The following CTCF variants were observed in gnomAD, a reference collection of about 807,000 sequenced individuals.
CTCF encodes the protein CCCTC-binding factor.
Under a neutral mutation model 72.3 loss-of-function variants are expected in CTCF, and 7 were observed. That is an observed-to-expected ratio of 0.10 (90% CI 0.06 to 0.18). The LOEUF is 0.18. Among genes scored for constraint, CTCF ranks in the 10% least tolerant of loss-of-function variants. The pLI is 1.00. For missense variants in CTCF, 516 were observed against 949.1 expected (o/e 0.54, Z 6.00); for synonymous variants, 374 against 315.8 (o/e 1.18, Z -1.95).
chr16:67,578,821 G>T (rs998461028), intron 2 of CTCF, among the ~76,000 whole-genome samples: 1 of 151,544 alleles, frequency 6.6e-6, no homozygotes, highest in Middle Eastern at 3.2e-3. Context: ...GGTGGCAGGC[G>T]CCTGTAATCT....
At chr16:67,633,475 G>A (rs1298168211) in intron 10 of CTCF, among the ~76,000 whole-genome samples, 1 of 152,142 alleles carries the variant, frequency 6.6e-6, no homozygotes, top group Admixed American at 6.5e-5. Flanking sequence ...AGGGAGGAGA[G>A]CAAGAGGGTT....
rs1467441419 is a variant in CTCF, at chr16:67,620,824, C to G, written c.1207+7C>G. 1 of 1,577,286 alleles carries G rather than the reference C, an allele frequency of 6.3e-7. No individual in the cohort carries two copies. Among genetic ancestry groups the G allele is most frequent in the Non-Finnish European group, 8.7e-7 (1 of 1,153,148 alleles). On this transcript the variant is annotated splice_region_variant and intron_variant, in intron 6 of 11. Transcript: ENST00000264010. The stretch of plus-strand genomic sequence containing the variant: ...CACATGAGAACCCATTCAGGTAGGA[C>G]TTCTCCACTCCTTACTGTATTAATG...
In CTCF at chr16:67,621,515, A is replaced by G; in HGVS notation, c.1281A>G (p.Leu427=). 1 of 1,612,776 alleles carries G rather than the reference A, an allele frequency of 6.2e-7. No individual in the cohort carries two copies. Among genetic ancestry groups the G allele is most frequent in the Admixed American group, 1.7e-5 (1 of 59,996 alleles). The part of the protein sequence containing the change: ...TQSGTMKMHI[L]QKHTENVAKF... ...GTGGTACCATGAAGATGCACATTTT[A>G]CAGAAGCACACAGAAAATGTGGCCA... The change falls in exon 7 of 12, where the codon TTA becomes TTG. Residue 427 remains leucine (L), a synonymous_variant. Coordinates refer to ENST00000264010, the MANE Select transcript of CTCF (RefSeq NM_006565.4).
chr16:67,593,078 T>G (rs905942047), intron 2 of CTCF, among the ~76,000 whole-genome samples: 2 of 148,648 alleles, frequency 1.3e-5, no homozygotes, highest in African/African-American at 2.4e-5. Context: ...TATTTTATAT[T>G]TATATATTTG....
intron 10 of CTCF, among the ~76,000 whole-genome samples, chr16:67,630,607 T>C (rs1051023064): frequency 2.0e-5 from 3 of 152,020 alleles, no homozygotes; most frequent in African/African-American, 7.2e-5. Context: ...ATTTAAAAAT[T>C]AGCCAGGTGT....
At chr16:67,596,300 C>T (rs1336825277) in intron 2 of CTCF, among the ~76,000 whole-genome samples, 1 of 152,174 alleles carries the variant, frequency 6.6e-6, no homozygotes, top group African/African-American at 2.4e-5. Context: ...GAGGCAAATG[C>T]TGTCACATTA....
At chr16:67,623,928 G>C (rs1298594728) in intron 7 of CTCF, among the ~76,000 whole-genome samples, 1 of 151,456 alleles carries the variant, frequency 6.6e-6, no homozygotes, top group African/African-American at 2.4e-5. Flanking sequence ...CATGCCTGTA[G>C]TCCCAGGTAC....
At chr16:67,607,301 TTTG>T (rs1375142836) in intron 2 of CTCF, among the ~76,000 whole-genome samples, 1 of 151,140 alleles carries the variant, frequency 6.6e-6, no homozygotes, top group Non-Finnish European at 1.5e-5. Context: ...AAGATTTTTG[TTTG>T]TTTTTTATTT....
At chr16:67,622,443 T>G (rs1032408012) in intron 7 of CTCF, among the ~76,000 whole-genome samples, 5 of 152,102 alleles carry the variant, frequency 3.3e-5, no homozygotes, top group African/African-American at 1.2e-4. Flanking sequence ...TCTTTAAGTT[T>G]AGTGGGATAT....
At chr16:67,606,783 T>C (rs545389867) in intron 2 of CTCF, among the ~76,000 whole-genome samples, 2 of 130,732 alleles carry the variant, frequency 1.5e-5, no homozygotes, top group Non-Finnish European at 3.2e-5. Flanking sequence ...TTTTGAGACA[T>C]AGTTTCACTC....
intron 2 of CTCF, among the ~76,000 whole-genome samples, chr16:67,584,774 A>G (rs1017053962): frequency 6.6e-6 from 1 of 152,204 alleles, no homozygotes; most frequent in East Asian, 1.9e-4. Context: ...CATTTTACAG[A>G]TAAGAAAACT....
chr16:67,607,657 GCTTT>G (rs1443869876), intron 2 of CTCF, among the ~76,000 whole-genome samples: 4 of 151,962 alleles, frequency 2.6e-5, no homozygotes, highest in African/African-American at 7.2e-5. Context: ...TTTGTTTTCT[GCTTT>G]CTATTATATA....
At chr16:67,575,663 A>C (rs900911449) in intron 2 of CTCF, among the ~76,000 whole-genome samples, 1 of 151,892 alleles carries the variant, frequency 6.6e-6, no homozygotes, top group Non-Finnish European at 1.5e-5. Flanking sequence ...GGCTGGTCTC[A>C]AACTCCTGAC....
intron 2 of CTCF, among the ~76,000 whole-genome samples, chr16:67,597,711 A>G (rs2051833350): frequency 2.6e-5 from 4 of 152,122 alleles, no homozygotes; most frequent in Admixed American, 2.6e-4. Context: ...TTTTTCCTAC[A>G]TAGTTAACTG....
intron 7 of CTCF, among the ~76,000 whole-genome samples, chr16:67,622,315 C>T (rs1358638748): frequency 6.6e-6 from 1 of 151,054 alleles, no homozygotes; most frequent in Non-Finnish European, 1.5e-5. Context: ...GAGATCACGC[C>T]ACCGCACTCC....
At chr16:67,584,463 C>T (rs1308336142) in intron 2 of CTCF, among the ~76,000 whole-genome samples, 3 of 150,820 alleles carry the variant, frequency 2.0e-5, no homozygotes, top group Non-Finnish European at 4.4e-5. Flanking sequence ...GCCTCAGCCT[C>T]CCTAGTAGCT....
At chr16:67,632,292 A>G (rs566221156) in intron 10 of CTCF, among the ~76,000 whole-genome samples, 1 of 152,292 alleles carries the variant, frequency 6.6e-6, no homozygotes, top group South Asian at 2.1e-4. Context: ...ATCTCCAGGA[A>G]GACCAGCTTC....
intron 2 of CTCF, among the ~76,000 whole-genome samples, chr16:67,600,552 A>G (rs1033016145): frequency 1.3e-5 from 2 of 151,712 alleles, no homozygotes; most frequent in African/African-American, 4.8e-5. Context: ...GTTTTTTAAA[A>G]TTTGTTTTTA....
chr16:67,622,374 G>A (rs1013544655), intron 7 of CTCF, among the ~76,000 whole-genome samples: 6 of 151,396 alleles, frequency 4.0e-5, no homozygotes, highest in East Asian at 1.9e-4. Context: ...AAAAGGTAAC[G>A]AGTAAAAAGT....
Sources: allele counts gnomAD v4.1 joint callset (sites outside exome capture counted in the v4.1 genomes callset), GRCh38; gene constraint gnomAD v4.1.1; transcripts MANE v1.5; gene names NCBI Gene and HGNC (gene_info 2026-07-23, HGNC 2026-07-21).